Variants in NAALADL2 observed in about 807,000 individuals in gnomAD.
NAALADL2 encodes N-acetylated alpha-linked acidic dipeptidase like 2.
A neutral mutation model predicts 87.2 loss-of-function variants in NAALADL2; 76 were observed. The observed-to-expected ratio is 0.87, with a 90% CI of 0.72 to 1.05. The LOEUF (loss-of-function observed/expected upper bound fraction) is 1.05, where lower values mean the gene tolerates loss of function less well. Among genes scored for constraint, NAALADL2 ranks in the 50% least tolerant of loss-of-function variants. NAALADL2 has a pLI of 0.00. For synonymous variants in NAALADL2, 354 were observed against 331.0 expected (o/e 1.07, Z -0.75); for missense variants, 1,089 against 945.8 (o/e 1.15, Z -1.99).
intron 1 of NAALADL2, among the ~76,000 whole-genome samples, chr3:175,003,755 TC>T (rs1748577386): frequency 6.6e-6 from 1 of 152,222 alleles, no homozygotes; most frequent in Non-Finnish European, 1.5e-5. Flanking sequence ...ATCAAAGTTA[TC>T]ATAATAGTGA....
intron 12 of NAALADL2, among the ~76,000 whole-genome samples, chr3:175,740,984 G>A (rs544181830): frequency 8.3e-4 from 126 of 152,262 alleles, no homozygotes; most frequent in African/African-American, 2.7e-3. Flanking sequence ...TTATTTTGAT[G>A]ACAGTGATCT....
chr3:175,324,624 G>A (rs1182647329), intron 5 of NAALADL2, among the ~76,000 whole-genome samples: 1 of 152,160 alleles, frequency 6.6e-6, no homozygotes, highest in East Asian at 1.9e-4. Flanking sequence ...AACACCAGGT[G>A]TGACAGGTAC....
chr3:175,249,034 A>G (rs1748523417), intron 3 of NAALADL2, among the ~76,000 whole-genome samples: 1 of 152,076 alleles, frequency 6.6e-6, no homozygotes, highest in Non-Finnish European at 1.5e-5. Context: ...TAGTGTGATT[A>G]TTGACATTTA....
intron 9 of NAALADL2, among the ~76,000 whole-genome samples, chr3:175,489,795 A>T (rs1013161774): frequency 1.3e-5 from 2 of 152,190 alleles, no homozygotes; most frequent in Non-Finnish European, 2.9e-5. Flanking sequence ...TGAGTCTTCT[A>T]CTCCAAAACC....
At chr3:175,679,274 A>C (rs1159671170) in intron 11 of NAALADL2, among the ~76,000 whole-genome samples, 1 of 140,750 alleles carries the variant, frequency 7.1e-6, no homozygotes, top group East Asian at 2.1e-4. Flanking sequence ...CTTAAAGTAT[A>C]GTTAAAAAAA....
chr3:174,806,658 T>C (rs1288029170), intron 3 of NAALADL2, among the ~76,000 whole-genome samples: 1 of 152,252 alleles, frequency 6.6e-6, no homozygotes, highest in Admixed American at 6.5e-5. Flanking sequence ...ACCTGGAATG[T>C]GATTCAAAAC....
intron 10 of NAALADL2, among the ~76,000 whole-genome samples, chr3:175,587,971 C>T (rs1033994234): frequency 6.6e-6 from 1 of 151,854 alleles, no homozygotes; most frequent in Non-Finnish European, 1.5e-5. Context: ...CAATATGGGG[C>T]CATTTGTGCA....
intron 1 of NAALADL2, among the ~76,000 whole-genome samples, chr3:174,978,588 C>T (rs1284787271): frequency 2.6e-5 from 4 of 152,094 alleles, no homozygotes; most frequent in Admixed American, 1.3e-4. Context: ...ATTAATCATG[C>T]CCTTTTAATA....
intron 9 of NAALADL2, among the ~76,000 whole-genome samples, chr3:175,474,526 A>G (rs1300099091): frequency 6.6e-6 from 1 of 152,166 alleles, no homozygotes; most frequent in Non-Finnish European, 1.5e-5. Flanking sequence ...TCAAGTCACA[A>G]TTACTGGATA....
intron 12 of NAALADL2, among the ~76,000 whole-genome samples, chr3:175,737,934 T>C (rs1029460617): frequency 6.6e-6 from 1 of 151,986 alleles, no homozygotes; most frequent in African/African-American, 2.4e-5. Context: ...TGTTTGAATA[T>C]ATCTCTCTCA....
intron 11 of NAALADL2, among the ~76,000 whole-genome samples, chr3:175,713,459 G>A (rs550546732): frequency 6.6e-6 from 1 of 152,120 alleles, no homozygotes; most frequent in Non-Finnish European, 1.5e-5. Context: ...GTCTTTTACT[G>A]CCCTGAAACA....
chr3:174,520,857 A>C (rs1720233072), intron 1 of NAALADL2, among the ~76,000 whole-genome samples: 1 of 152,174 alleles, frequency 6.6e-6, no homozygotes, highest in Admixed American at 6.5e-5. Flanking sequence ...AACAAGAAAA[A>C]CAACCCCATT....
intron 3 of NAALADL2, among the ~76,000 whole-genome samples, chr3:174,772,064 G>T (rs1714638278): frequency 6.6e-6 from 1 of 151,964 alleles, no homozygotes; most frequent in South Asian, 2.1e-4. Context: ...TTTTAGTTTT[G>T]ATGATCATTG....
intron 1 of NAALADL2, among the ~76,000 whole-genome samples, chr3:174,891,531 G>T (rs1054929142): frequency 6.6e-6 from 1 of 152,126 alleles, no homozygotes; most frequent in Non-Finnish European, 1.5e-5. Context: ...ATTGAACTCA[G>T]TGCTGTTCTG....
intron 3 of NAALADL2, among the ~76,000 whole-genome samples, chr3:174,787,621 A>ATACACATATATATATATAT (rs1578931205): frequency 9.2e-6 from 1 of 109,242 alleles, no homozygotes; most frequent in Non-Finnish European, 2.0e-5. Flanking sequence ...ATATATATAT[A>ATACACATATATATATATAT]GTAGTGACTC....
chr3:175,633,070 A>G (rs898152330), intron 11 of NAALADL2, among the ~76,000 whole-genome samples: 23 of 152,194 alleles, frequency 1.5e-4, no homozygotes, highest in Non-Finnish European at 3.1e-4. Flanking sequence ...AAAATGAGAC[A>G]GGCTAAAAGA....
chr3:174,552,909 T>C (rs1712316631), intron 2 of NAALADL2, among the ~76,000 whole-genome samples: 1 of 152,044 alleles, frequency 6.6e-6, no homozygotes, highest in African/African-American at 2.4e-5. Flanking sequence ...TAACATGCTT[T>C]AATTAGTTGA....
At chr3:175,275,051 G>T (rs1581223061) in intron 4 of NAALADL2, among the ~76,000 whole-genome samples, 1 of 152,122 alleles carries the variant, frequency 6.6e-6, no homozygotes, top group Non-Finnish European at 1.5e-5. Context: ...GTTCTTCAGT[G>T]CTCAGGTACT....
intron 1 of NAALADL2, among the ~76,000 whole-genome samples, chr3:174,961,003 C>T (rs982522869): frequency 1.0e-4 from 15 of 150,166 alleles, no homozygotes; most frequent in African/African-American, 3.2e-4. Flanking sequence ...TGCCATTCCA[C>T]TCCAGAGTGG....
Sources: gnomAD v4.1 joint callset for allele counts (sites outside exome capture counted in the v4.1 genomes callset) on GRCh38, gnomAD v4.1.1 for gene constraint, MANE v1.5 for transcripts, NCBI Gene and HGNC (gene_info 2026-07-23, HGNC 2026-07-21) for gene names.